Variants in ZER1 observed in about 807,000 individuals in gnomAD.
ZER1 encodes protein zer-1 homolog.
In ZER1, 11 loss-of-function variants were observed where a neutral mutation model predicts 78.8. The ratio of observed to expected loss-of-function variants is 0.14; its 90% CI spans 0.09 to 0.23. The LOEUF (loss-of-function observed/expected upper bound fraction) is 0.23. Ranked by LOEUF, ZER1 falls within the 10% of genes least tolerant of loss-of-function variation. The probability of loss-of-function intolerance (pLI) is 1.00; values close to 1 mark genes in which losing one functional copy is unlikely to be tolerated. For missense variants in ZER1, 588 were observed against 996.9 expected, an observed-to-expected ratio of 0.59 and a Z score of 5.52; for synonymous variants, 400 against 407.0, an observed-to-expected ratio of 0.98 and a Z score of 0.21.
In ZER1 at chr9:128,746,643, T is replaced by G. The variant is rs545811074; in HGVS notation, c.1360-3898A>C. 7.9e-5 allele frequency among the ~76,000 whole-genome samples: 12 copies of G among 151,772 alleles called. No homozygotes were observed. The South Asian group carries it at 2.1e-3, about 26-fold the overall frequency. ...ACACCCAGCTAATTAAAAAAAAATT[T>G]TTTTTTTTTGAGACAGAGTTTCACT... On this transcript the variant is annotated intron_variant, in intron 8 of 15. Coordinates refer to ENST00000291900, the MANE Select transcript of ZER1 (RefSeq NM_006336.4).
chr9:128,736,335 C>T (rs1863077451), intron 13 of ZER1, among the ~76,000 whole-genome samples: 1 of 152,046 alleles, frequency 6.6e-6, no homozygotes, highest in African/African-American at 2.4e-5. Flanking sequence ...ATCCACCTGC[C>T]TTGGCCTCCC....
At chr9:128,745,169 G>A (rs1267147543) in intron 8 of ZER1, among the ~76,000 whole-genome samples, 2 of 150,010 alleles carry the variant, frequency 1.3e-5, no homozygotes, top group Non-Finnish European at 3.0e-5. Context: ...TGTACTGTCT[G>A]CAGGTTTATT....
intron 8 of ZER1, among the ~76,000 whole-genome samples, chr9:128,748,414 A>C (rs988257990): frequency 6.6e-6 from 1 of 150,476 alleles, no homozygotes; most frequent in African/African-American, 2.4e-5. Flanking sequence ...AAAAAAAAAA[A>C]AAAAAATTAG....
In ZER1 at chr9:128,753,664, G is replaced by T; in HGVS notation, c.310-64C>A. The stretch of plus-strand genomic sequence containing the variant: ...GCCCCTTCCCCCGGCCCCAGGCCTT[G>T]CCCTGGGCTACAGGTGGGTTGGAAA... On this transcript the variant is annotated intron_variant, in intron 3 of 15. Transcript: ENST00000291900. This position sits in a 1 kb window ranked among gnomAD's most constrained non-coding sequence, Gnocchi z 7.5. 1 of 1,582,630 alleles carries T rather than the reference G, an allele frequency of 6.3e-7. No homozygotes were observed. The highest frequency in any genetic ancestry group is 2.2e-5 in the East Asian group (1 of 44,490).
intron 1 of ZER1, among the ~76,000 whole-genome samples, chr9:128,763,102 G>A (rs1864099329): frequency 6.6e-6 from 1 of 152,114 alleles, no homozygotes; most frequent in South Asian, 2.1e-4. Flanking sequence ...TTTCAACCAG[G>A]ACCATCCAAA....
intron 15 of ZER1, among the ~76,000 whole-genome samples, chr9:128,731,789 C>T (rs1328576319): frequency 1.3e-5 from 2 of 152,242 alleles, no homozygotes; most frequent in African/African-American, 2.4e-5. Flanking sequence ...CACCAGTGGT[C>T]CCCAAACTGA....
chr9:128,744,511 T>C (rs182452199), intron 8 of ZER1, among the ~76,000 whole-genome samples: 23 of 140,952 alleles, frequency 1.6e-4, no homozygotes, highest in Non-Finnish European at 2.6e-4. Context: ...GGAGTTTCAC[T>C]CTTGTTGCCA....
chr9:128,759,902 CAG>C (rs1027624492), intron 1 of ZER1, among the ~76,000 whole-genome samples: 1 of 152,150 alleles, frequency 6.6e-6, no homozygotes, highest in Non-Finnish European at 1.5e-5. Flanking sequence ...TTTTCTGAGA[CAG>C]AGTCTCATAC....
At chr9:128,743,270 C>G (rs961393118) in intron 8 of ZER1, among the ~76,000 whole-genome samples, 3 of 151,630 alleles carry the variant, frequency 2.0e-5, no homozygotes, top group Non-Finnish European at 4.4e-5. Flanking sequence ...GGCGTGCCAC[C>G]ATGCCCGGCT....
intron 1 of ZER1, among the ~76,000 whole-genome samples, chr9:128,757,301 T>A (rs1863888545): frequency 6.6e-6 from 1 of 152,062 alleles, no homozygotes; most frequent in African/African-American, 2.4e-5. Context: ...GGCAAATTGC[T>A]TGAGCCCAGG....
In ZER1 at chr9:128,740,472, C is replaced by T. The variant is rs1003797004; in HGVS notation, c.1853+300G>A. ...GCAGGCGCCTGTAGTCTCAGCTACTCGGGAGGCTGAGGCAGGAGAATGGCG... is the reference window on the plus strand; with the variant it reads ...GCAGGCGCCTGTAGTCTCAGCTACTTGGGAGGCTGAGGCAGGAGAATGGCG... On this transcript the variant is annotated intron_variant, in intron 12 of 15. Coordinates refer to ENST00000291900, the MANE Select transcript of ZER1 (RefSeq NM_006336.4). The surrounding 1 kb of genome is among the most constrained non-coding windows in gnomAD (Gnocchi z 4.4). Among the ~76,000 whole-genome samples, 3 of 151,172 alleles carry T rather than the reference C, an allele frequency of 2.0e-5. No individual in the cohort carries two copies. Among genetic ancestry groups the T allele is most frequent in the South Asian group, 2.1e-4 (1 of 4,776 alleles).
chr9:128,765,097 T>G (rs1216416434), intron 1 of ZER1, among the ~76,000 whole-genome samples: 1 of 152,194 alleles, frequency 6.6e-6, no homozygotes, highest in East Asian at 1.9e-4. Context: ...ACCCTGTACT[T>G]GCAACTAATT....
chr9:128,736,080 C>T (rs1863067638), intron 13 of ZER1, among the ~76,000 whole-genome samples: 1 of 151,840 alleles, frequency 6.6e-6, no homozygotes, highest in Non-Finnish European at 1.5e-5. Context: ...TCCCGAGTAG[C>T]TGGGACTACA....
At chr9:128,759,543 C>T (rs916802756) in intron 1 of ZER1, among the ~76,000 whole-genome samples, 5 of 151,746 alleles carry the variant, frequency 3.3e-5, no homozygotes, top group African/African-American at 1.2e-4. Context: ...CGCCTGTAAT[C>T]CCAGCACTTT....
chr9:128,765,826 C>G (rs1031032584), intron 1 of ZER1, among the ~76,000 whole-genome samples: 1 of 152,176 alleles, frequency 6.6e-6, no homozygotes, highest in African/African-American at 2.4e-5. Context: ...AAACCAGACG[C>G]CACCTGGCTC....
Position 128,740,253 on chromosome 9 carries a change from A to G in ZER1, c.1854-134T>C. 1 of 878,494 alleles carries G rather than the reference A, an allele frequency of 1.1e-6. No individual in the cohort carries two copies. Among genetic ancestry groups the G allele is most frequent in the South Asian group, 1.8e-5 (1 of 54,132 alleles). The allele number at this position is 878,494 out of a possible 1,614,324, so 54.4% of individuals were successfully genotyped here. On this transcript the variant is annotated intron_variant, in intron 12 of 15. Coordinates refer to ENST00000291900, the MANE Select transcript of ZER1 (RefSeq NM_006336.4). The surrounding 1 kb of genome is among the most constrained non-coding windows in gnomAD (Gnocchi z 4.4). ...TTTATCCCATATCGTCTATATACCC[A>G]GACTACTTCTAAAGGGATTTGAGGT...
intron 1 of ZER1, among the ~76,000 whole-genome samples, chr9:128,768,431 C>T (rs753532437): frequency 6.6e-5 from 10 of 152,112 alleles, no homozygotes; most frequent in Middle Eastern, 3.2e-3. Context: ...TAGAGTTAGT[C>T]GGAGGCAAGG....
intron 13 of ZER1, among the ~76,000 whole-genome samples, chr9:128,736,571 G>C (rs1411428131): frequency 6.8e-6 from 1 of 147,004 alleles, no homozygotes; most frequent in African/African-American, 2.5e-5. Context: ...TTTTTGGTTA[G>C]AGCATCATTT....
At position 128,751,078 on chromosome 9, in the gene ZER1, G is replaced by A; in HGVS notation, c.1185+44C>T. 1 of 1,550,530 alleles carries A rather than the reference G, an allele frequency of 6.4e-7. No homozygotes were observed. Among genetic ancestry groups the A allele is most frequent in the Non-Finnish European group, 8.7e-7 (1 of 1,144,302 alleles). On this transcript the variant is annotated intron_variant, in intron 7 of 15. Coordinates refer to ENST00000291900, the MANE Select transcript of ZER1 (RefSeq NM_006336.4). This position sits in a 1 kb window ranked among gnomAD's most constrained non-coding sequence, Gnocchi z 5.4. ...GCTCAGCCAAGCCCGGCAACCTCCA[G>A]GTGGGGAGGGACAGGAGGCCAAGGC...
Sources: gnomAD v4.1 joint callset for allele counts (sites outside exome capture counted in the v4.1 genomes callset) on GRCh38, gnomAD v4.1.1 for gene constraint, Gnocchi (gnomAD v3.1) non-coding constraint, MANE v1.5 for transcripts, NCBI Gene and HGNC (gene_info 2026-07-23, HGNC 2026-07-21) for gene names.